The following GALNT13 variants were observed in gnomAD, a reference collection of about 807,000 sequenced individuals.
GALNT13 encodes polypeptide N-acetylgalactosaminyltransferase 13.
A neutral mutation model predicts 64.2 loss-of-function variants in GALNT13; 28 were observed. That is an observed-to-expected ratio of 0.44 (90% CI 0.32 to 0.60). The LOEUF (loss-of-function observed/expected upper bound fraction) is 0.60. Ranked by LOEUF, GALNT13 falls within the 20% of genes least tolerant of loss-of-function variation. The pLI is 0.05. For missense variants in GALNT13, 577 were observed against 669.8 expected (o/e 0.86, Z 1.53); for synonymous variants, 214 against 224.6 (o/e 0.95, Z 0.42).
the GALNT13 span, among the ~76,000 whole-genome samples, chr2:153,298,140 T>TG: frequency 1.3e-3 from 196 of 152,330 alleles, 6 homozygotes; most frequent in East Asian, 0.036. Context: ...GTTGTTATTC[T>TG]GGTTCTTCTT....
chr2:154,297,094 T>A (rs1692970415), intron 8 of GALNT13, among the ~76,000 whole-genome samples: 1 of 152,194 alleles, frequency 6.6e-6, no homozygotes, highest in South Asian at 2.1e-4. Flanking sequence ...AGAGGGAGAA[T>A]AAGGTATGGT....
At chr2:153,265,817 A>G in the GALNT13 span, among the ~76,000 whole-genome samples, 6 of 152,232 alleles carry the variant, frequency 3.9e-5, no homozygotes, top group Non-Finnish European at 8.8e-5. Context: ...AGATGCTATG[A>G]GTATTGTTGA....
the GALNT13 span, among the ~76,000 whole-genome samples, chr2:153,234,590 G>T: frequency 1.1e-4 from 16 of 152,100 alleles, no homozygotes; most frequent in Non-Finnish European, 1.6e-4. Context: ...AAATCCCCAA[G>T]AATTACATTA....
At chr2:153,779,485 C>T in the GALNT13 span, among the ~76,000 whole-genome samples, 110 of 152,234 alleles carry the variant, frequency 7.2e-4, no homozygotes, top group African/African-American at 2.6e-3. Flanking sequence ...GATTTTAAAA[C>T]TTTGATAAAA....
At chr2:153,820,689 C>T in the GALNT13 span, among the ~76,000 whole-genome samples, 1 of 152,040 alleles carries the variant, frequency 6.6e-6, no homozygotes, top group Non-Finnish European at 1.5e-5. Flanking sequence ...ACCACTACAC[C>T]AGCCTTACAA....
At chr2:153,630,801 A>T in the GALNT13 span, among the ~76,000 whole-genome samples, 924 of 17,230 alleles carry the variant, frequency 0.054, 28 homozygotes, top group South Asian at 0.12. Context: ...ATATATATAT[A>T]TATATATTTT....
chr2:154,158,237 C>T (rs1414251428), intron 4 of GALNT13, among the ~76,000 whole-genome samples: 4 of 152,266 alleles, frequency 2.6e-5, no homozygotes, highest in South Asian at 2.1e-4. Flanking sequence ...CACAAAGCCT[C>T]GTATTTTCAG....
At chr2:154,001,013 G>T (rs1344987209) in intron 3 of GALNT13, among the ~76,000 whole-genome samples, 1 of 151,848 alleles carries the variant, frequency 6.6e-6, no homozygotes, top group African/African-American at 2.4e-5. Flanking sequence ...ATATTTTCTT[G>T]CTGTATGGAT....
intron 3 of GALNT13, among the ~76,000 whole-genome samples, chr2:153,995,980 T>C (rs184782649): frequency 6.6e-6 from 1 of 152,336 alleles, no homozygotes; most frequent in East Asian, 1.9e-4. Flanking sequence ...TCTAGATTTA[T>C]CTGTGTTGCC....
chr2:154,266,863 C>T (rs918786054), intron 8 of GALNT13, among the ~76,000 whole-genome samples: 4 of 151,770 alleles, frequency 2.6e-5, no homozygotes, highest in African/African-American at 9.7e-5. Context: ...CAAGTTGATT[C>T]TATCCATATA....
the GALNT13 span, among the ~76,000 whole-genome samples, chr2:153,845,759 C>T: frequency 1.2e-4 from 17 of 147,760 alleles, no homozygotes; most frequent in African/African-American, 3.4e-4. Flanking sequence ...CACAAATTTA[C>T]GAATTTCTTC....
At chr2:153,166,975 C>T in the GALNT13 span, among the ~76,000 whole-genome samples, 2 of 152,218 alleles carry the variant, frequency 1.3e-5, no homozygotes, top group African/African-American at 2.4e-5. Flanking sequence ...TCAGTATCAG[C>T]TCTGACTGAG....
At chr2:154,358,976 G>T (rs187194686) in intron 9 of GALNT13, among the ~76,000 whole-genome samples, 171 of 152,178 alleles carry the variant, frequency 1.1e-3, no homozygotes, top group African/African-American at 3.5e-3. Context: ...AATTTTGATG[G>T]GCAATTTCAT....
At chr2:154,093,736 T>A (rs898730231) in intron 3 of GALNT13, among the ~76,000 whole-genome samples, 1 of 151,812 alleles carries the variant, frequency 6.6e-6, no homozygotes, top group Admixed American at 6.6e-5. Context: ...TTTCTCATTT[T>A]GCAAATGAGA....
intron 12 of GALNT13, among the ~76,000 whole-genome samples, chr2:154,447,508 C>G (rs1701653821): frequency 6.6e-6 from 1 of 151,876 alleles, no homozygotes; most frequent in Non-Finnish European, 1.5e-5. Flanking sequence ...AGAACATGTC[C>G]TAGCTTTTAG....
chr2:153,931,604 G>T (rs2105357254), intron 2 of GALNT13, among the ~76,000 whole-genome samples: 1 of 152,208 alleles, frequency 6.6e-6, no homozygotes, highest in South Asian at 2.1e-4. Context: ...CTATCAAGAT[G>T]ATCATGTGGT....
intron 9 of GALNT13, among the ~76,000 whole-genome samples, chr2:154,370,542 A>T (rs1697625051): frequency 6.6e-6 from 1 of 152,136 alleles, no homozygotes; most frequent in Admixed American, 6.6e-5. Flanking sequence ...GGAATGATGA[A>T]ATAGAAGCAC....
intron 4 of GALNT13, among the ~76,000 whole-genome samples, chr2:154,213,285 G>T (rs543949060): frequency 1.3e-5 from 2 of 152,118 alleles, no homozygotes; most frequent in South Asian, 4.2e-4. Context: ...TTGCCATGTT[G>T]CCCAGGCTGG....
At chr2:153,123,636 T>C in the GALNT13 span, among the ~76,000 whole-genome samples, 11 of 152,184 alleles carry the variant, frequency 7.2e-5, no homozygotes, top group Non-Finnish European at 1.6e-4. Flanking sequence ...TCAGAGATCT[T>C]TGGAAGCAAG....
Sources: allele counts gnomAD v4.1 joint callset (sites outside exome capture counted in the v4.1 genomes callset), GRCh38; gene constraint gnomAD v4.1.1; transcripts MANE v1.5; gene names NCBI Gene and HGNC (gene_info 2026-07-23, HGNC 2026-07-21).